ZNF536: variants seen among roughly 807,000 people sequenced by gnomAD.
ZNF536 encodes the protein zinc finger protein 536.
Under a neutral mutation model 84.5 loss-of-function variants are expected in ZNF536, and 13 were observed. The observed-to-expected ratio is 0.15, with a 90% CI of 0.10 to 0.24. The LOEUF is 0.24. Among genes scored for constraint, ZNF536 ranks in the 10% least tolerant of loss-of-function variants. ZNF536 has a pLI of 1.00. For missense variants in ZNF536, 1,536 were observed against 1,747.5 expected, an observed-to-expected ratio of 0.88 and a Z score of 2.16; for synonymous variants, 811 against 742.5, an observed-to-expected ratio of 1.09 and a Z score of -1.50.
chr19:30,596,263 A>AG (rs1233947339), intron 1 of ZNF536, among the ~76,000 whole-genome samples: 1 of 151,474 alleles, frequency 6.6e-6, no homozygotes, highest in East Asian at 1.9e-4. Flanking sequence ...AGAGAGGGAG[A>AG]GGGGAAAAAA....
At chr19:30,710,422 C>T (rs2052416290) in intron 1 of ZNF536, among the ~76,000 whole-genome samples, 1 of 152,170 alleles carries the variant, frequency 6.6e-6, no homozygotes. Context: ...TACCTGTAGT[C>T]CCAGCTACTC....
chr19:30,299,367 C>T (rs1202515293), intron 2 of ZNF536, among the ~76,000 whole-genome samples: 1 of 152,112 alleles, frequency 6.6e-6, no homozygotes, highest in East Asian at 1.9e-4. Context: ...ACCATCAAGA[C>T]ACAAAGGGAT....
At chr19:30,343,068 C>G (rs927288380) in intron 2 of ZNF536, among the ~76,000 whole-genome samples, 6 of 152,148 alleles carry the variant, frequency 3.9e-5, no homozygotes, top group Non-Finnish European at 5.9e-5. Context: ...TCTCTTGTCT[C>G]CCCCACCCTC....
chr19:30,504,393 C>T (rs2055074797), intron 2 of ZNF536, among the ~76,000 whole-genome samples: 1 of 146,682 alleles, frequency 6.8e-6, no homozygotes, highest in South Asian at 2.2e-4. Flanking sequence ...TCTCCTCCTT[C>T]CTCTCTCCCT....
intron 1 of ZNF536, among the ~76,000 whole-genome samples, chr19:30,581,226 C>G (rs1332336837): frequency 6.6e-6 from 1 of 152,168 alleles, no homozygotes; most frequent in Non-Finnish European, 1.5e-5. Flanking sequence ...GCCTGTAATC[C>G]CAGCACTTTG....
Position 30,557,314 on chromosome 19 carries a change from A to T in ZNF536, c.*150A>T. The T allele has an allele frequency of 2.4e-6, 2 of 848,954 alleles. No homozygotes were observed. Among genetic ancestry groups the T allele is most frequent in the Admixed American group, 4.1e-5 (2 of 48,840 alleles). The allele number at this position is 848,954 out of a possible 1,614,324, so 52.6% of individuals were successfully genotyped here. On this transcript the variant is annotated 3_prime_UTR_variant, in exon 5 of 5. Transcript: ENST00000355537. ...AATTACTATTGGCATAGGTATGTGTATACACACGGTGCACCAATCTACAGT... is the reference window on the plus strand; with the variant it reads ...AATTACTATTGGCATAGGTATGTGTTTACACACGGTGCACCAATCTACAGT...
chr19:30,622,348 G>C (rs1196218928), intron 1 of ZNF536, among the ~76,000 whole-genome samples: 1 of 152,252 alleles, frequency 6.6e-6, no homozygotes, highest in Non-Finnish European at 1.5e-5. Context: ...CAGTGTTTAG[G>C]GGAGTTCAAT....
intron 1 of ZNF536, among the ~76,000 whole-genome samples, chr19:30,657,685 T>C (rs776020735): frequency 4.6e-5 from 7 of 152,226 alleles, no homozygotes; most frequent in South Asian, 4.1e-4. Flanking sequence ...TCTTATCTTC[T>C]CCAGAATTTC....
chr19:30,360,965 C>T (rs1049827864), intron 3 of ZNF536, among the ~76,000 whole-genome samples: 14 of 152,200 alleles, frequency 9.2e-5, no homozygotes, highest in African/African-American at 3.4e-4. Flanking sequence ...GGGTAGCCTG[C>T]TCACAGCCCT....
intron 1 of ZNF536, among the ~76,000 whole-genome samples, chr19:30,651,348 G>T (rs994159615): frequency 6.6e-6 from 1 of 152,132 alleles, no homozygotes; most frequent in African/African-American, 2.4e-5. Context: ...AAGATTTGAC[G>T]TTACTTCTCT....
chr19:30,394,498 C>G (rs1231595832), intron 1 of ZNF536, among the ~76,000 whole-genome samples: 1 of 152,144 alleles, frequency 6.6e-6, no homozygotes, highest in Non-Finnish European at 1.5e-5. Context: ...TAGGACTGGG[C>G]CAGGTGCATC....
At chr19:30,509,965 T>C (rs1475904445) in intron 2 of ZNF536, among the ~76,000 whole-genome samples, 2 of 152,232 alleles carry the variant, frequency 1.3e-5, no homozygotes, top group Non-Finnish European at 2.9e-5. Context: ...TCAAGATGAG[T>C]GGGCCTCACA....
At chr19:30,456,003 G>C (rs913797523) in intron 2 of ZNF536, among the ~76,000 whole-genome samples, 1 of 152,132 alleles carries the variant, frequency 6.6e-6, no homozygotes, top group Admixed American at 6.5e-5. Flanking sequence ...GAGTATTTTC[G>C]GCTTTGGGGG....
chr19:30,286,530 C>G (rs377085967), intron 2 of ZNF536, among the ~76,000 whole-genome samples: 2,382 of 119,958 alleles, frequency 0.02, 73 homozygotes, highest in African/African-American at 0.087. Context: ...GAGACAGAGA[C>G]AGAGAGAGAG....
At chr19:30,576,048 C>T (rs2046724203) in intron 1 of ZNF536, among the ~76,000 whole-genome samples, 1 of 152,170 alleles carries the variant, frequency 6.6e-6, no homozygotes, top group Admixed American at 6.5e-5. Context: ...AGTGTGCCCA[C>T]ATTGGAATTC....
Position 30,466,054 on chromosome 19 carries a change from A to AT in ZNF536, c.2170+20328dup, listed in dbSNP as rs1395378092. ...CATGAGCCACCGTGCCTGGCAAAGAATTTTTTAAAAAATTAGCTGGGTCTG... is the reference window on the plus strand; with the variant it reads ...CATGAGCCACCGTGCCTGGCAAAGAATTTTTTTAAAAAATTAGCTGGGTCTG... On this transcript the variant is annotated intron_variant, in intron 2 of 4. Coordinates refer to ENST00000355537, the MANE Select transcript of ZNF536 (RefSeq NM_014717.3). 5.9e-5 allele frequency among the ~76,000 whole-genome samples: 9 copies of AT among 152,086 alleles called. No homozygotes were observed. In the South Asian group the frequency reaches 1.7e-3, roughly 28 times the overall value.
chr19:30,309,887 C>T (rs1293056975), intron 2 of ZNF536, among the ~76,000 whole-genome samples: 1 of 151,932 alleles, frequency 6.6e-6, no homozygotes, highest in Non-Finnish European at 1.5e-5. Context: ...TTGGCTTTTT[C>T]TGGGTGGTGG....
At chr19:30,584,754 C>T (rs1230516391) in intron 1 of ZNF536, among the ~76,000 whole-genome samples, 1 of 152,162 alleles carries the variant, frequency 6.6e-6, no homozygotes, top group Non-Finnish European at 1.5e-5. Flanking sequence ...CTAATTTAGC[C>T]TTCTGCAGCT....
intron 1 of ZNF536, among the ~76,000 whole-genome samples, chr19:30,235,134 A>T (rs2023391237): frequency 6.6e-6 from 1 of 152,140 alleles, no homozygotes. Flanking sequence ...ACTACATTAC[A>T]CACCCCGGGT....
Sources: allele counts gnomAD v4.1 joint callset (sites outside exome capture counted in the v4.1 genomes callset), GRCh38; gene constraint gnomAD v4.1.1; transcripts MANE v1.5; gene names NCBI Gene and HGNC (gene_info 2026-07-23, HGNC 2026-07-21).